Variants in WIPF3 observed in about 807,000 individuals in gnomAD.
WIPF3 encodes the protein WAS/WASL interacting protein family member 3.
In WIPF3, 33 loss-of-function variants were observed where a neutral mutation model predicts 38.9. The ratio of observed to expected loss-of-function variants is 0.85; its 90% CI spans 0.64 to 1.14. WIPF3 has a LOEUF of 1.14. Among genes scored for constraint, WIPF3 ranks in the 50% most tolerant of loss-of-function variants. The pLI, the probability that WIPF3 is intolerant of heterozygous loss-of-function variation, is 0.00. For missense variants in WIPF3, 711 were observed against 652.5 expected, an observed-to-expected ratio of 1.09 and a Z score of -0.98; for synonymous variants, 324 against 269.3, an observed-to-expected ratio of 1.20 and a Z score of -1.99.
intron 7 of WIPF3, among the ~76,000 whole-genome samples, chr7:29,893,454 C>T (rs559943287): frequency 1.3e-5 from 2 of 152,000 alleles, no homozygotes; most frequent in Non-Finnish European, 2.9e-5. Context: ...TGATGTCGGC[C>T]GGGGTGCGTG....
chr7:29,869,007 C>T (rs533994458), intron 2 of WIPF3, among the ~76,000 whole-genome samples: 12 of 152,080 alleles, frequency 7.9e-5, no homozygotes, highest in Non-Finnish European at 1.5e-4. Flanking sequence ...GGCAATCTTA[C>T]CCATACTTCA....
chr7:29,885,788 A>C (rs174970), intron 5 of WIPF3, among the ~76,000 whole-genome samples: 111,678 of 152,106 alleles, frequency 0.73, 41,327 homozygotes, highest in East Asian at 0.89. Flanking sequence ...TGTACTCCAG[A>C]TTGGATGACA....
chr7:29,839,464 C>T (rs1001598526), intron 2 of WIPF3, among the ~76,000 whole-genome samples: 9 of 152,100 alleles, frequency 5.9e-5, no homozygotes, highest in Non-Finnish European at 1.2e-4. Flanking sequence ...TCAAACTTAC[C>T]GTCACGTGTA....
intron 1 of WIPF3, among the ~76,000 whole-genome samples, chr7:29,824,550 TAA>T (rs398047618): frequency 1.5e-5 from 2 of 135,652 alleles, no homozygotes; most frequent in South Asian, 2.4e-4. Flanking sequence ...GATGTATTTT[TAA>T]AAAAAAAAAA....
intron 2 of WIPF3, among the ~76,000 whole-genome samples, chr7:29,859,872 A>C (rs1177249762): frequency 2.0e-5 from 3 of 152,224 alleles, no homozygotes; most frequent in African/African-American, 7.2e-5. Context: ...GAGAGCCTTC[A>C]TAGCTGGGCC....
chr7:29,819,075 T>G (rs71528589), intron 1 of WIPF3, among the ~76,000 whole-genome samples: 1 of 152,178 alleles, frequency 6.6e-6, no homozygotes, highest in African/African-American at 2.4e-5. Context: ...TTTTTATTTG[T>G]TCTATTCTTT....
chr7:29,876,564 C>A (rs1461874052), intron 3 of WIPF3, among the ~76,000 whole-genome samples: 1 of 152,236 alleles, frequency 6.6e-6, no homozygotes, highest in African/African-American at 2.4e-5. Flanking sequence ...CAGTACTTCA[C>A]TCCTTTTATC....
chr7:29,888,698 C>T (rs1251055951), intron 6 of WIPF3, among the ~76,000 whole-genome samples: 1 of 152,116 alleles, frequency 6.6e-6, no homozygotes, highest in East Asian at 1.9e-4. Context: ...CTTTCGATCC[C>T]TTCTGTGTGC....
At chr7:29,913,411 A>G (rs899144763) in intron 8 of WIPF3, among the ~76,000 whole-genome samples, 1 of 152,178 alleles carries the variant, frequency 6.6e-6, no homozygotes, top group African/African-American at 2.4e-5. Context: ...CACAATAAAA[A>G]TGGAGAAAAA....
chr7:29,816,475 A>G (rs921814293), intron 1 of WIPF3, among the ~76,000 whole-genome samples: 1 of 122,520 alleles, frequency 8.2e-6, no homozygotes, highest in East Asian at 2.4e-4. Context: ...ACACCAGCTA[A>G]TTTTTATTTT....
At chr7:29,846,631 G>A (rs1785005998) in intron 2 of WIPF3, among the ~76,000 whole-genome samples, 1 of 152,212 alleles carries the variant, frequency 6.6e-6, no homozygotes, top group South Asian at 2.1e-4. Flanking sequence ...AACCTGGGAG[G>A]CGGAGGTTGC....
chr7:29,886,347 C>CTTT (rs11337399), intron 5 of WIPF3, among the ~76,000 whole-genome samples: 5 of 46,554 alleles, frequency 1.1e-4, no homozygotes, highest in Non-Finnish European at 1.1e-4. Context: ...AAAGACAAAG[C>CTTT]TTTTTTTTTT....
chr7:29,822,258 G>T (rs1462744073), intron 1 of WIPF3, among the ~76,000 whole-genome samples: 1 of 150,906 alleles, frequency 6.6e-6, no homozygotes, highest in African/African-American at 2.4e-5. Context: ...GCAAGTTCTA[G>T]ACCAGCAAGA....
chr7:29,854,984 C>T (rs1462257589), intron 2 of WIPF3, among the ~76,000 whole-genome samples: 3 of 152,152 alleles, frequency 2.0e-5, no homozygotes, highest in Non-Finnish European at 4.4e-5. Context: ...TAAGTGTCTG[C>T]GGTTTAAGCC....
Position 29,884,264 on chromosome 7 carries a change from T to TACCCC in WIPF3, c.770_771insACCCC (p.Ile260ArgfsTer116). 3 of 1,315,282 alleles carry TACCCC rather than the reference T, an allele frequency of 2.3e-6. No individual in the cohort carries two copies. Among genetic ancestry groups the TACCCC allele is most frequent in the Non-Finnish European group, 3.0e-6 (3 of 992,706 alleles). 81.5% of individuals were successfully genotyped at this position (1,315,282 alleles called of 1,614,324 possible). A position where few individuals can be genotyped will look rare whatever the true frequency, so the allele number is the denominator to read the frequency against. ...AAGCCTCAGCTGGCTCCCTTGCACC[T>TACCCC]CCCGCCCATCCCGCCCCCGCTCCCT... On this transcript the variant is annotated frameshift_variant, in exon 5 of 9. Coordinates refer to ENST00000242140, the MANE Select transcript of WIPF3 (RefSeq NM_001080529.3). LOFTEE classifies it high-confidence loss of function.
At chr7:29,839,941 C>G (rs187346769) in intron 2 of WIPF3, among the ~76,000 whole-genome samples, 45 of 152,288 alleles carry the variant, frequency 3.0e-4, no homozygotes, top group African/African-American at 1.0e-3. Flanking sequence ...ATTATTATTA[C>G]TATGTTCTGA....
chr7:29,855,426 A>G (rs574475591), intron 2 of WIPF3, among the ~76,000 whole-genome samples: 1 of 152,364 alleles, frequency 6.6e-6, no homozygotes, highest in East Asian at 1.9e-4. Context: ...TTTAGAATCA[A>G]TGGACAGATA....
At chr7:29,853,503 A>G (rs1785138863) in intron 2 of WIPF3, among the ~76,000 whole-genome samples, 1 of 152,212 alleles carries the variant, frequency 6.6e-6, no homozygotes, top group African/African-American at 2.4e-5. Context: ...TGCATCCCCT[A>G]AAGCCCCAGG....
At chr7:29,872,019 CAA>C (rs1399669196) in intron 2 of WIPF3, among the ~76,000 whole-genome samples, 3 of 152,180 alleles carry the variant, frequency 2.0e-5, no homozygotes, top group Non-Finnish European at 4.4e-5. Flanking sequence ...TGAGACAAAA[CAA>C]GAGTGAACTT....
Sources: gnomAD v4.1 joint callset for allele counts (sites outside exome capture counted in the v4.1 genomes callset) on GRCh38, gnomAD v4.1.1 for gene constraint, MANE v1.5 for transcripts, NCBI Gene and HGNC (gene_info 2026-07-23, HGNC 2026-07-21) for gene names.